Variants in ADGRG4 observed in about 807,000 individuals in gnomAD.
ADGRG4 encodes the protein G protein-coupled receptor 112.
A neutral mutation model predicts 126.2 loss-of-function variants in ADGRG4; 122 were observed. The observed-to-expected ratio is 0.97, with a 90% CI of 0.83 to 1.12. ADGRG4 has a LOEUF of 1.12. Ranked by LOEUF, ADGRG4 falls within the 50% of genes most tolerant of loss-of-function variation. The probability of loss-of-function intolerance (pLI) is 0.00; values close to 1 mark genes in which losing one functional copy is unlikely to be tolerated. For missense variants in ADGRG4, 2,481 were observed against 2,251.8 expected (o/e 1.10, Z -2.06); for synonymous variants, 943 against 838.7 (o/e 1.12, Z -2.15).
chrX:136,368,682 T>A (rs966363552), intron 13 of ADGRG4, among the ~76,000 whole-genome samples: 1 of 112,379 alleles, frequency 8.9e-6, no homozygotes, highest in African/African-American at 3.2e-5. Context: ...GTGACTGAAC[T>A]ATAAACTTGG....
chrX:136,302,642 C>T (rs1427967436), intron 1 of ADGRG4, among the ~76,000 whole-genome samples: 2 of 111,784 alleles, frequency 1.8e-5, no homozygotes, highest in African/African-American at 6.5e-5. Context: ...GTTTTGTTTG[C>T]TGCTGAATCC....
At chrX:136,340,525 A>T (rs1284124097) in intron 5 of ADGRG4, among the ~76,000 whole-genome samples, 1 of 111,578 alleles carries the variant, frequency 9.0e-6, no homozygotes, top group Non-Finnish European at 1.9e-5. Flanking sequence ...ACTGTTTTGG[A>T]TGATTGCTGT....
intron 15 of ADGRG4, among the ~76,000 whole-genome samples, chrX:136,381,797 G>A (rs1414853539): frequency 9.0e-6 from 1 of 111,123 alleles, no homozygotes; most frequent in African/African-American, 3.3e-5. Flanking sequence ...GGAGCAAGGA[G>A]AGCCAGTCCG....
chrX:136,355,180 A>G (rs987572894), intron 8 of ADGRG4, among the ~76,000 whole-genome samples: 3 of 109,832 alleles, frequency 2.7e-5, no homozygotes, highest in African/African-American at 1.0e-4. Context: ...AACAAGGGCT[A>G]TGGGAGTTAT....
chrX:136,388,325 C>T (rs1052890298), intron 16 of ADGRG4, among the ~76,000 whole-genome samples: 1 of 111,857 alleles, frequency 8.9e-6, no homozygotes, highest in South Asian at 3.7e-4. Context: ...CCACAGCCCC[C>T]ACAGAACTTT....
chrX:136,346,306 T>C lies in ADGRG4; in HGVS notation c.2600T>C (p.Met867Thr). Residue 867 changes from methionine (M) to threonine (T), a missense_variant, in exon 6 of 26, where the codon ATG (methionine) becomes ACG (threonine). Physicochemically the swap from Met to Thr is moderately conservative, Grantham distance 81. Transcript: ENST00000394143. Reference sequence around the variant, plus strand: ...GCTGAGGTTTCTCCATTTTCAACAATGCTGGAAGTGACAGACGAATCAGCA... The same window carrying C: ...GCTGAGGTTTCTCCATTTTCAACAACGCTGGAAGTGACAGACGAATCAGCA... The part of the protein sequence containing the change: ...AVAEVSPFST[M>T]LEVTDESAQR... 3 of 1,211,053 alleles carry C rather than the reference T, an allele frequency of 2.5e-6. No homozygotes were observed. Among genetic ancestry groups the C allele is most frequent in the Non-Finnish European group, 3.4e-6 (3 of 894,951 alleles).
chrX:136,414,322 C>A lies in ADGRG4; in HGVS notation c.9200C>A (p.Pro3067Gln). 8.4e-7 allele frequency: 1 copy of A among 1,186,977 alleles called. No homozygotes were observed. Among genetic ancestry groups the A allele is most frequent in the Admixed American group, 2.4e-5 (1 of 41,955 alleles). ...GGCACACCTTCAGAAATAAGCTTTC[C>A]AAATGGTAAGAAAAAAAGGCTGTGT... ...AQGTPSEISF[P>Q]NDDFDKDPYC... is the part of the protein sequence containing the mutation. The change falls in exon 25 of 26, where the codon CCA becomes CAA. Residue 3067 changes from proline (P) to glutamine (Q), a missense_variant. Transcript: ENST00000394143.
In ADGRG4 at chrX:136,346,424, G is replaced by A; in HGVS notation, c.2718G>A (p.Val906=). 2.5e-6 allele frequency: 3 copies of A among 1,211,151 alleles called. No homozygotes were observed. The highest frequency in any genetic ancestry group is 3.4e-6 in the Non-Finnish European group (3 of 894,925). The part of the protein sequence containing the change: ...PLDNKTATTE[V]RESWLLTKLV... ...ATAATAAAACTGCAACAACTGAGGT[G>A]AGAGAAAGTTGGCTTTTGACAAAAT... is the stretch of plus-strand genomic sequence containing the variant. The change falls in exon 6 of 26, where the codon GTG becomes GTA. Residue 906 remains valine, a synonymous_variant. Coordinates refer to ENST00000394143, the MANE Select transcript of ADGRG4 (RefSeq NM_153834.4).
rs1206158683 is a variant in ADGRG4, at chrX:136,348,189, C to A, written c.4483C>A (p.Pro1495Thr). 1 of 1,207,210 alleles carries A rather than the reference C, an allele frequency of 8.3e-7. No homozygotes were observed. Among genetic ancestry groups the A allele is most frequent in the South Asian group, 1.8e-5 (1 of 56,802 alleles). The change falls in exon 6 of 26, where the codon CCT (proline) becomes ACT (threonine). Residue 1495 changes from proline (P) to threonine (T), a missense_variant. Transcript: ENST00000394143. ...TACAGCCTTTTCTGTTCCAAATGTACCTACAATGCTTCCTAGAGAATCCTC... is the reference window on the plus strand; with the variant it reads ...TACAGCCTTTTCTGTTCCAAATGTAACTACAATGCTTCCTAGAGAATCCTC... ...ITTAFSVPNV[P>T]TMLPRESSMA...
intron 20 of ADGRG4, 97 bp downstream of exon 20, chrX:136,398,099 GGAA>G: frequency 6.4e-6 from 5 of 785,341 alleles, no homozygotes; most frequent in Non-Finnish European, 7.4e-6. Context: ...CATCACAATA[GGAA>G]GAAGTCAGAT....
chrX:136,320,192 A>G (rs767860548), intron 4 of ADGRG4, among the ~76,000 whole-genome samples: 1 of 112,061 alleles, frequency 8.9e-6, no homozygotes, highest in East Asian at 2.8e-4. Flanking sequence ...ATTGATAGAC[A>G]TACAGGTTCG....
chrX:136,385,936 C>T (rs1269376501), intron 15 of ADGRG4, among the ~76,000 whole-genome samples: 1 of 111,469 alleles, frequency 9.0e-6, no homozygotes, highest in African/African-American at 3.3e-5. Flanking sequence ...TCCAGATGTC[C>T]ACCACAACCC....
intron 5 of ADGRG4, among the ~76,000 whole-genome samples, chrX:136,340,343 G>T (rs892749992): frequency 1.8e-5 from 2 of 111,405 alleles, no homozygotes; most frequent in Non-Finnish European, 3.8e-5. Flanking sequence ...AAAAGCTACT[G>T]ATTGTTTGAT....
intron 15 of ADGRG4, among the ~76,000 whole-genome samples, chrX:136,383,983 T>C (rs2075280178): frequency 9.2e-6 from 1 of 108,769 alleles, no homozygotes; most frequent in African/African-American, 3.3e-5. Context: ...CCTCTGCCTC[T>C]CGGGTTCAAG....
Position 136,305,327 on chromosome X carries a change from T to C in ADGRG4, c.-10+304T>C. On this transcript the variant is annotated intron_variant, in intron 3 of 25. Coordinates refer to ENST00000394143, the MANE Select transcript of ADGRG4 (RefSeq NM_153834.4). ...GAGATGAAGAGGAAAATGCACTGGT[T>C]TGGTAGTCAGGACACCTTGGTTCTA... is the stretch of plus-strand genomic sequence containing the variant. Among the ~76,000 whole-genome samples, 2 of 111,884 alleles carry C rather than the reference T, an allele frequency of 1.8e-5. 1 individual carries two copies. Among genetic ancestry groups the C allele is most frequent in the Middle Eastern group, 9.3e-3 (2 of 214 alleles).
At chrX:136,406,120 G>A in intron 23 of ADGRG4, 148 bp downstream of exon 23, 2 of 597,301 alleles carry the variant, frequency 3.3e-6, no homozygotes, top group Non-Finnish European at 5.0e-6. Context: ...TTGCTCAGTG[G>A]TATAGGGAGA....
intron 15 of ADGRG4, among the ~76,000 whole-genome samples, chrX:136,387,467 G>A (rs999594554): frequency 9.8e-5 from 11 of 111,769 alleles, no homozygotes; most frequent in African/African-American, 3.3e-4. Context: ...TATTACCCAG[G>A]TGAAAGGAGA....
chrX:136,369,387 C>A (rs2075179113), intron 13 of ADGRG4, among the ~76,000 whole-genome samples: 1 of 111,929 alleles, frequency 8.9e-6, no homozygotes, highest in Non-Finnish European at 1.9e-5. Context: ...AAGGAGAAGT[C>A]CCTTTATTAC....
At position 136,345,180 on chromosome X, in the gene ADGRG4, C is replaced by T. The variant is rs779874865; in HGVS notation, c.1474C>T (p.Pro492Ser). The stretch of plus-strand genomic sequence containing the variant: ...ATTTCCTAGAAACCAGACAGCATTT[C>T]CATTGGCAACAACTGATATGAAAAT... The part of the protein sequence containing the change: ...SVFPRNQTAF[P>S]LATTDMKIAF... Residue 492 changes from proline to serine, a missense_variant, in exon 6 of 26, where the codon CCA becomes TCA. By Grantham distance (74) the Pro-to-Ser change is moderately conservative. Coordinates refer to ENST00000394143, the MANE Select transcript of ADGRG4 (RefSeq NM_153834.4). 103 of 1,208,678 alleles carry T rather than the reference C, an allele frequency of 8.5e-5. No homozygotes were observed. The highest frequency in any genetic ancestry group is 1.1e-4 in the Non-Finnish European group (102 of 893,858).
Sources: gnomAD v4.1 joint callset for allele counts (sites outside exome capture counted in the v4.1 genomes callset) on GRCh38, gnomAD v4.1.1 for gene constraint, MANE v1.5 for transcripts, NCBI Gene and HGNC (gene_info 2026-07-23, HGNC 2026-07-21) for gene names.